Variants in NDC1 observed in about 807,000 individuals in gnomAD.
NDC1 encodes the protein NDC1 transmembrane nucleoporin, also known as nucleoporin NDC1.
Under a neutral mutation model 89.8 loss-of-function variants are expected in NDC1, and 24 were observed. That is an observed-to-expected ratio of 0.27 (90% CI 0.19 to 0.38). NDC1 has a LOEUF of 0.38. Among genes scored for constraint, NDC1 ranks in the 10% least tolerant of loss-of-function variants. The pLI is 1.00. For synonymous variants in NDC1, 296 were observed against 284.8 expected (o/e 1.04, Z -0.39); for missense variants, 728 against 797.6 (o/e 0.91, Z 1.05).
At chr1:53,776,058 G>A (rs527363987) in intron 16 of NDC1, among the ~76,000 whole-genome samples, 1 of 150,102 alleles carries the variant, frequency 6.7e-6, no homozygotes, top group East Asian at 2.0e-4. Flanking sequence ...TGGTTCAATC[G>A]ATCCTCCCAC....
chr1:53,835,499 C>T lies in NDC1; in HGVS notation c.178+1G>A. 1.9e-6 allele frequency: 3 copies of T among 1,604,282 alleles called. No homozygotes were observed. The highest frequency in any genetic ancestry group is 2.5e-6 in the Non-Finnish European group (3 of 1,176,992). ...TTCTCCCCAAGTTGAGTATCACCTA[C>T]CAGACAGCCACTGTATAGGATGAAA... On this transcript the variant is annotated splice_donor_variant, in intron 2 of 17. Transcript: ENST00000371429. LOFTEE classifies it high-confidence loss of function.
chr1:53,804,083 C>T, intron 9 of NDC1, 74 bp from the exon 10 acceptor site: 1 of 990,614 alleles, frequency 1.0e-6, no homozygotes, highest in Non-Finnish European at 1.6e-6. Flanking sequence ...TTGGGTTCAT[C>T]ATTATATATC....
intron 2 of NDC1, 151 bp downstream of exon 2, chr1:53,835,349 A>C (rs916063203): frequency 1.9e-6 from 1 of 520,610 alleles, no homozygotes; most frequent in Non-Finnish European, 3.4e-6. Flanking sequence ...TATGTTACGA[A>C]GGAGACATCT....
intron 4 of NDC1, among the ~76,000 whole-genome samples, chr1:53,827,520 A>G (rs1386490099): frequency 6.6e-6 from 1 of 152,216 alleles, no homozygotes; most frequent in Admixed American, 6.5e-5. Context: ...AGAACTATAC[A>G]AGTTTCAAAA....
In NDC1 at chr1:53,796,959, C is replaced by T. The variant is rs547377162; in HGVS notation, c.1408G>A (p.Gly470Arg). 31 of 1,614,040 alleles carry T rather than the reference C, an allele frequency of 1.9e-5. No individual in the cohort carries two copies. The highest frequency in any genetic ancestry group is 2.5e-5 in the Non-Finnish European group (29 of 1,180,034). Residue 470 changes from glycine (G) to arginine (R), a missense_variant, in exon 12 of 18, where the codon GGG becomes AGG. Gly to Arg is a moderately radical substitution (Grantham distance 125). Transcript: ENST00000371429. ...AGIFDVNTCY[G>R]SPQSPQLIRR... ...ATTAGCTGAGGACTTTGCGGTGACC[C>T]ATAGCAGGTGTTTACATCAAAAATT...
At position 53,814,518 on chromosome 1, in the gene NDC1, T is replaced by G. The variant is rs1320265470; in HGVS notation, c.703+4453A>C. ...AGAGTGAAAGAGCACAAACTGACATTCTAAGGTCACACCTCAAGGAACTAG... is the reference window on the plus strand; with the variant it reads ...AGAGTGAAAGAGCACAAACTGACATGCTAAGGTCACACCTCAAGGAACTAG... On this transcript the variant is annotated intron_variant, in intron 6 of 17. Coordinates refer to ENST00000371429, the MANE Select transcript of NDC1 (RefSeq NM_018087.5). Among the ~76,000 whole-genome samples, 5 of 152,020 alleles carry G rather than the reference T, an allele frequency of 3.3e-5. No homozygotes were observed. In the East Asian group the frequency reaches 9.7e-4, roughly 29 times the overall value.
At chr1:53,826,541 C>T (rs1244819736) in intron 4 of NDC1, among the ~76,000 whole-genome samples, 1 of 152,206 alleles carries the variant, frequency 6.6e-6, no homozygotes, top group Non-Finnish European at 1.5e-5. Flanking sequence ...ACTCCTGATG[C>T]TTCCCAAATC....
At chr1:53,776,081 C>T (rs1163852527) in intron 16 of NDC1, among the ~76,000 whole-genome samples, 1 of 151,598 alleles carries the variant, frequency 6.6e-6, no homozygotes, top group Non-Finnish European at 1.5e-5. Flanking sequence ...CAGCCTCCCT[C>T]GTAGCTAGGA....
chr1:53,807,632 GA>G, intron 8 of NDC1, 23 bp downstream of exon 8: 1 of 1,584,856 alleles, frequency 6.3e-7, no homozygotes, highest in Non-Finnish European at 8.6e-7. Flanking sequence ...AAAGTATTAA[GA>G]AAAAATATTT....
chr1:53,827,945 C>G, intron 4 of NDC1, 54 bp downstream of exon 4: 1 of 1,427,558 alleles, frequency 7.0e-7, no homozygotes, highest in Non-Finnish European at 9.5e-7. Flanking sequence ...ATATAGGTCA[C>G]CTTTGGCTTA....
At chr1:53,836,443 C>G (rs1649235451) in intron 1 of NDC1, among the ~76,000 whole-genome samples, 1 of 138,664 alleles carries the variant, frequency 7.2e-6, no homozygotes, top group African/African-American at 2.9e-5. Context: ...GAGCAAGACT[C>G]TGTCTAACAA....
intron 15 of NDC1, among the ~76,000 whole-genome samples, chr1:53,787,538 C>T (rs552586278): frequency 5.8e-4 from 88 of 151,860 alleles, no homozygotes; most frequent in Non-Finnish European, 7.8e-4. Context: ...ACTCGAGAGG[C>T]TGAGGTGGGA....
At chr1:53,779,910 C>T (rs552135048) in intron 16 of NDC1, among the ~76,000 whole-genome samples, 2 of 152,236 alleles carry the variant, frequency 1.3e-5, no homozygotes, top group African/African-American at 4.8e-5. Context: ...ATCCATAGCT[C>T]TGGCCCTCAA....
At position 53,807,682 on chromosome 1, in the gene NDC1, T is replaced by A. The variant is rs776170347; in HGVS notation, c.865A>T (p.Ile289Leu). Residue 289 changes from isoleucine (I) to leucine (L), a missense_variant, in exon 8 of 18, where the codon ATA becomes TTA. Physicochemically the swap from Ile to Leu is conservative, Grantham distance 5. Coordinates refer to ENST00000371429, the MANE Select transcript of NDC1 (RefSeq NM_018087.5). Reference sequence around the variant, plus strand: ...TCTGTGGCATAGATTTTGAAGAGTATCCATGAGACATACCAAGTCGTCAGG... The same window carrying A: ...TCTGTGGCATAGATTTTGAAGAGTAACCATGAGACATACCAAGTCGTCAGG... ...FLLTTWYVSWILFKIYATEAH... is the reference protein window; with the variant it reads ...FLLTTWYVSWLLFKIYATEAH... The A allele has an allele frequency of 1.9e-6, 3 of 1,612,628 alleles. No individual in the cohort carries two copies. The highest frequency in any genetic ancestry group is 2.5e-6 in the Non-Finnish European group (3 of 1,179,492).
intron 14 of NDC1, among the ~76,000 whole-genome samples, chr1:53,792,558 G>A (rs1185876299): frequency 2.0e-5 from 3 of 152,176 alleles, no homozygotes; most frequent in Non-Finnish European, 2.9e-5. Context: ...TGGAGTGAGC[G>A]TGATATTAGA....
chr1:53,795,152 C>T (rs936979243), intron 13 of NDC1, among the ~76,000 whole-genome samples: 6 of 152,106 alleles, frequency 3.9e-5, no homozygotes, highest in Non-Finnish European at 7.3e-5. Context: ...ACACTCCCAC[C>T]TTCTCCTCCT....
At chr1:53,807,909 C>T (rs917162037) in intron 7 of NDC1, 118 bp from the exon 8 acceptor site, 1 of 909,154 alleles carries the variant, frequency 1.1e-6, no homozygotes, top group Non-Finnish European at 1.7e-6. Flanking sequence ...TTGACAGACT[C>T]CTCTCCTTCG....
intron 14 of NDC1, among the ~76,000 whole-genome samples, chr1:53,791,408 C>T (rs1160230380): frequency 2.0e-5 from 3 of 150,920 alleles, no homozygotes; most frequent in Admixed American, 6.6e-5. Context: ...CGCACTCCAG[C>T]CTGGGCGACA....
chr1:53,816,339 A>G (rs982211653), intron 6 of NDC1, among the ~76,000 whole-genome samples: 3 of 152,198 alleles, frequency 2.0e-5, no homozygotes, highest in African/African-American at 7.2e-5. Flanking sequence ...ACAAAAACAT[A>G]AAGTGGGGAA....
Sources: allele counts gnomAD v4.1 joint callset (sites outside exome capture counted in the v4.1 genomes callset), GRCh38; gene constraint gnomAD v4.1.1; transcripts MANE v1.5; gene names NCBI Gene and HGNC (gene_info 2026-07-23, HGNC 2026-07-21).